LARGE1: variants seen among roughly 807,000 people sequenced by gnomAD.
LARGE1 encodes xylosyl- and glucuronyltransferase LARGE1.
Under a neutral mutation model 87.6 loss-of-function variants are expected in LARGE1, and 43 were observed. That is an observed-to-expected ratio of 0.49 (90% CI 0.38 to 0.63). The LOEUF (loss-of-function observed/expected upper bound fraction) is 0.63, where lower values mean the gene tolerates loss of function less well. LARGE1 is among the 30% of genes least tolerant of loss of function. The pLI, the probability that LARGE1 is intolerant of heterozygous loss-of-function variation, is 0.00. For synonymous variants in LARGE1, 434 were observed against 394.6 expected (o/e 1.10, Z -1.18); for missense variants, 802 against 1,000.2 (o/e 0.80, Z 2.67).
At chr22:33,109,436 C>T in the LARGE1 span, among the ~76,000 whole-genome samples, 1 of 152,098 alleles carries the variant, frequency 6.6e-6, no homozygotes, top group African/African-American at 2.4e-5. Flanking sequence ...AGTGATCTTC[C>T]CGTCTCAGCC....
chr22:33,682,193 T>G (rs187999016), intron 2 of LARGE1, among the ~76,000 whole-genome samples: 124 of 152,352 alleles, frequency 8.1e-4, no homozygotes, highest in African/African-American at 2.8e-3. Flanking sequence ...TATATAAATC[T>G]GTTGTACTCC....
At chr22:33,707,777 C>A (rs2082605890) in intron 2 of LARGE1, among the ~76,000 whole-genome samples, 1 of 152,232 alleles carries the variant, frequency 6.6e-6, no homozygotes, top group Non-Finnish European at 1.5e-5. Context: ...GACCCACACA[C>A]CCAAGTGGCT....
intron 7 of LARGE1, among the ~76,000 whole-genome samples, chr22:33,395,032 C>G (rs1038747957): frequency 3.0e-4 from 45 of 151,940 alleles, no homozygotes; most frequent in African/African-American, 1.1e-3. Flanking sequence ...TGAGACCATC[C>G]TGGCTAACAC....
intron 6 of LARGE1, among the ~76,000 whole-genome samples, chr22:33,508,104 C>CA (rs1164568646): frequency 1.3e-5 from 2 of 152,220 alleles, no homozygotes; most frequent in African/African-American, 4.8e-5. Context: ...AAACATCTGC[C>CA]AGCCTCAAAA....
intron 12 of LARGE1, among the ~76,000 whole-genome samples, chr22:33,294,702 T>A (rs766860958): frequency 7.9e-5 from 12 of 152,180 alleles, no homozygotes; most frequent in Non-Finnish European, 1.5e-4. Flanking sequence ...TGGCTGCCTG[T>A]GCATGTACCT....
intron 1 of LARGE1, among the ~76,000 whole-genome samples, chr22:33,774,824 T>A (rs73885511): frequency 6.6e-6 from 1 of 152,336 alleles, no homozygotes; most frequent in African/African-American, 2.4e-5. Context: ...CAGTTTGAAG[T>A]AGCCACGCTT....
chr22:33,629,392 G>A (rs2080031629), intron 3 of LARGE1, among the ~76,000 whole-genome samples: 1 of 152,140 alleles, frequency 6.6e-6, no homozygotes, highest in South Asian at 2.1e-4. Flanking sequence ...TTAAATGTAA[G>A]CACAAGCATG....
At chr22:33,766,907 C>CATATACAT (rs1569435967) in intron 1 of LARGE1, among the ~76,000 whole-genome samples, 8 of 69,770 alleles carry the variant, frequency 1.1e-4, no homozygotes, top group Non-Finnish European at 2.4e-4. Flanking sequence ...CTAATTTAAA[C>CATATACAT]ATATACATAT....
intron 11 of LARGE1, among the ~76,000 whole-genome samples, chr22:33,231,757 A>G (rs1258643632): frequency 1.3e-5 from 2 of 152,142 alleles, no homozygotes; most frequent in African/African-American, 2.4e-5. Flanking sequence ...CGCTTGTACA[A>G]TCCAAGTCTC....
At chr22:33,395,963 T>G (rs1433439476) in intron 7 of LARGE1, among the ~76,000 whole-genome samples, 1 of 152,216 alleles carries the variant, frequency 6.6e-6, no homozygotes, top group East Asian at 1.9e-4. Flanking sequence ...TTGCCCCTTT[T>G]CCCCCAGGAC....
the LARGE1 span, among the ~76,000 whole-genome samples, chr22:33,123,853 C>T: frequency 6.6e-5 from 10 of 152,304 alleles, no homozygotes; most frequent in African/African-American, 2.4e-4. Flanking sequence ...GGGTGAAGGC[C>T]TGCCTAGGTG....
chr22:33,879,178 G>C (rs549696438), intron 1 of LARGE1, among the ~76,000 whole-genome samples: 14 of 152,104 alleles, frequency 9.2e-5, no homozygotes, highest in Admixed American at 2.6e-4. Context: ...CTCTATGTTG[G>C]TCAGGCTGGT....
At chr22:33,390,835 A>AGG (rs1236036008) in intron 7 of LARGE1, among the ~76,000 whole-genome samples, 1 of 152,042 alleles carries the variant, frequency 6.6e-6, no homozygotes, top group African/African-American at 2.4e-5. Context: ...GTAGGACCAC[A>AGG]GGTGTGCGCC....
At chr22:33,358,844 A>AC (rs2064275920) in intron 9 of LARGE1, among the ~76,000 whole-genome samples, 3 of 151,484 alleles carry the variant, frequency 2.0e-5, no homozygotes, top group South Asian at 2.1e-4. Flanking sequence ...AACAACAACA[A>AC]AAAATTAGCC....
intron 9 of LARGE1, 27 bp from the exon 10 acceptor site, chr22:33,337,828 G>T (rs1207560417): frequency 6.2e-7 from 1 of 1,613,898 alleles, no homozygotes; most frequent in Non-Finnish European, 8.5e-7. Flanking sequence ...GAAGTGGTCA[G>T]GTATGGCAGG....
chr22:33,820,069 C>A (rs570244539), intron 1 of LARGE1, among the ~76,000 whole-genome samples: 4 of 152,268 alleles, frequency 2.6e-5, no homozygotes, highest in African/African-American at 9.6e-5. Context: ...CTTTCACTCA[C>A]CCCACATAGT....
intron 1 of LARGE1, among the ~76,000 whole-genome samples, chr22:33,794,872 C>T (rs560403499): frequency 1.3e-5 from 2 of 152,132 alleles, no homozygotes; most frequent in East Asian, 1.9e-4. Flanking sequence ...CGTCTGCCTC[C>T]GCCTCCCAAA....
intron 1 of LARGE1, among the ~76,000 whole-genome samples, chr22:33,857,421 G>T (rs1024436983): frequency 6.6e-6 from 1 of 152,190 alleles, no homozygotes; most frequent in Non-Finnish European, 1.5e-5. Context: ...GGCAAGAAAC[G>T]ATGCAATCAG....
chr22:33,510,873 T>C (rs1330499791), intron 6 of LARGE1, among the ~76,000 whole-genome samples: 2 of 152,272 alleles, frequency 1.3e-5, no homozygotes, highest in East Asian at 3.9e-4. Context: ...AGGCGTGAGC[T>C]ACCACACCCA....
Sources: allele counts gnomAD v4.1 joint callset (sites outside exome capture counted in the v4.1 genomes callset), GRCh38; gene constraint gnomAD v4.1.1; transcripts MANE v1.5; gene names NCBI Gene and HGNC (gene_info 2026-07-23, HGNC 2026-07-21).